SLC28A1: variants seen among roughly 807,000 people sequenced by gnomAD.
SLC28A1 encodes sodium/nucleoside cotransporter 1.
In SLC28A1, 64 loss-of-function variants were observed where a neutral mutation model predicts 74.8. The ratio of observed to expected loss-of-function variants is 0.86; its 90% CI spans 0.70 to 1.05. The LOEUF (loss-of-function observed/expected upper bound fraction) is 1.05, where lower values mean the gene tolerates loss of function less well. Among genes scored for constraint, SLC28A1 ranks in the 50% least tolerant of loss-of-function variants. The pLI, the probability that SLC28A1 is intolerant of heterozygous loss-of-function variation, is 0.00. For missense variants in SLC28A1, 828 were observed against 822.8 expected, an observed-to-expected ratio of 1.01 and a Z score of -0.08; for synonymous variants, 359 against 335.0, an observed-to-expected ratio of 1.07 and a Z score of -0.78.
intron 10 of SLC28A1, among the ~76,000 whole-genome samples, chr15:84,919,548 C>T (rs1049209622): frequency 2.0e-5 from 3 of 152,170 alleles, no homozygotes; most frequent in Non-Finnish European, 4.4e-5. Context: ...GCACTGACAT[C>T]TGGTAAGGGC....
At chr15:84,912,405 G>C (rs912388053) in intron 9 of SLC28A1, among the ~76,000 whole-genome samples, 6 of 152,172 alleles carry the variant, frequency 3.9e-5, no homozygotes, top group African/African-American at 1.4e-4. Flanking sequence ...CCATGGTCCA[G>C]CTGCTCTCTT....
At position 84,910,457 on chromosome 15, in the gene SLC28A1, G is replaced by A. The variant is rs149183567; in HGVS notation, c.795+1662G>A. 3.7e-3 allele frequency among the ~76,000 whole-genome samples: 570 copies of A among 152,250 alleles called. 2 individuals are homozygous for A. Among genetic ancestry groups the A allele is most frequent in the Middle Eastern group, 6.8e-3 (2 of 292 alleles). ...AAAACACACACACTCAGCTGGGCGC[G>A]GTGGCTCATGCCTGTAATCCTAGCA... is the stretch of plus-strand genomic sequence containing the variant. On this transcript the variant is annotated intron_variant, in intron 9 of 18. Coordinates refer to ENST00000394573, the MANE Select transcript of SLC28A1 (RefSeq NM_004213.5).
the SLC28A1 span, among the ~76,000 whole-genome samples, chr15:84,974,262 G>C: frequency 3.3e-5 from 5 of 152,144 alleles, no homozygotes; most frequent in African/African-American, 1.2e-4. Flanking sequence ...ATCGTATTTC[G>C]TTTTCTGCTT....
At chr15:84,926,801 G>GC (rs1970564590) in intron 12 of SLC28A1, among the ~76,000 whole-genome samples, 1 of 92,340 alleles carries the variant, frequency 1.1e-5, no homozygotes, top group Non-Finnish European at 2.4e-5. Context: ...GGGGTGGGGG[G>GC]AGGGGGGGGG....
intron 4 of SLC28A1, 68 bp from the exon 5 acceptor site, chr15:84,890,375 G>A: frequency 1.8e-6 from 2 of 1,123,102 alleles, no homozygotes; most frequent in South Asian, 2.6e-5. Flanking sequence ...CCTGAGTGGA[G>A]GTGCTGAGGA....
At chr15:84,909,014 C>G (rs1399080548) in intron 9 of SLC28A1, among the ~76,000 whole-genome samples, 1 of 137,044 alleles carries the variant, frequency 7.3e-6, no homozygotes, top group Non-Finnish European at 1.5e-5. Flanking sequence ...GTAAAATTTG[C>G]AAAAGTAAGA....
intron 9 of SLC28A1, among the ~76,000 whole-genome samples, 171 bp downstream of exon 9, chr15:84,908,966 A>G (rs1336867343): frequency 1.3e-5 from 2 of 152,212 alleles, no homozygotes; most frequent in Non-Finnish European, 2.9e-5. Context: ...GGAGGAGCCC[A>G]GCAATGTTCA....
At chr15:84,960,603 GT>G in the SLC28A1 span, among the ~76,000 whole-genome samples, 1 of 152,160 alleles carries the variant, frequency 6.6e-6, no homozygotes, top group Non-Finnish European at 1.5e-5. Flanking sequence ...TAAAACTCCA[GT>G]TTCCTGTCAG....
intron 11 of SLC28A1, among the ~76,000 whole-genome samples, chr15:84,923,208 G>C (rs1217284304): frequency 6.6e-6 from 1 of 152,184 alleles, no homozygotes; most frequent in Non-Finnish European, 1.5e-5. Context: ...AAAGTGCTGG[G>C]ATTGCAGGCG....
intron 6 of SLC28A1, among the ~76,000 whole-genome samples, chr15:84,900,968 A>T (rs1304640154): frequency 1.3e-5 from 2 of 152,302 alleles, no homozygotes; most frequent in Non-Finnish European, 2.9e-5. Flanking sequence ...TCACGCCTGT[A>T]ATCCCAGCAC....
At chr15:84,919,435 A>C (rs1218249027) in intron 10 of SLC28A1, among the ~76,000 whole-genome samples, 1 of 152,218 alleles carries the variant, frequency 6.6e-6, no homozygotes, top group East Asian at 1.9e-4. Context: ...ACAGAATATC[A>C]CAGACTGGGT....
chr15:84,886,135 A>G lies in SLC28A1; in HGVS notation c.-132-537A>G, dbSNP rs1348215264. 15 of 985,396 alleles carry G rather than the reference A, an allele frequency of 1.5e-5. No homozygotes were observed. The East Asian group carries it at 1.7e-3, about 112-fold the overall frequency. 61.0% of individuals were successfully genotyped at this position (985,396 alleles called of 1,614,324 possible). A position where few individuals can be genotyped will look rare whatever the true frequency, so the allele number is the denominator to read the frequency against. On this transcript the variant is annotated intron_variant, in intron 1 of 18. Transcript: ENST00000394573. ...CGCTTTGCACACCGTTGGCTTAGGTATTCATTTAACAAAGATGAAATGAAG... is the reference window on the plus strand; with the variant it reads ...CGCTTTGCACACCGTTGGCTTAGGTGTTCATTTAACAAAGATGAAATGAAG...
At chr15:84,896,503 G>A (rs1275037473) in intron 6 of SLC28A1, among the ~76,000 whole-genome samples, 2 of 152,192 alleles carry the variant, frequency 1.3e-5, no homozygotes, top group Non-Finnish European at 2.9e-5. Context: ...ATGCGAAACA[G>A]TGCAGTTGCT....
At chr15:84,887,942 C>T (rs556629340) in intron 3 of SLC28A1, 86 bp downstream of exon 3, 1 of 942,592 alleles carries the variant, frequency 1.1e-6, no homozygotes, top group African/African-American at 1.6e-5. Flanking sequence ...CTTTTGCTCA[C>T]CACCTTCCCT....
At chr15:84,895,307 A>G (rs899951322) in intron 6 of SLC28A1, 184 bp downstream of exon 6, 62 of 1,602,770 alleles carry the variant, frequency 3.9e-5, no homozygotes, top group Middle Eastern at 3.4e-4. Context: ...GTGTTTCACC[A>G]GTTCTTAGTC....
intron 6 of SLC28A1, among the ~76,000 whole-genome samples, chr15:84,899,997 AAGGC>A (rs58660486): frequency 0.24 from 34,964 of 148,616 alleles, 4,444 homozygotes; most frequent in Middle Eastern, 0.34. Flanking sequence ...GGAAAAGAAA[AAGGC>A]AGGCAGGCAG....
chr15:84,889,972 A>G (rs755316472), intron 4 of SLC28A1, among the ~76,000 whole-genome samples: 10 of 150,192 alleles, frequency 6.7e-5, no homozygotes, highest in Non-Finnish European at 1.3e-4. Context: ...AGCAGCTGGG[A>G]TTACAGGCGC....
chr15:84,955,490 C>A, the SLC28A1 span, among the ~76,000 whole-genome samples: 1 of 152,270 alleles, frequency 6.6e-6, no homozygotes, highest in East Asian at 1.9e-4. Context: ...TTGGAACACT[C>A]GCGCTGCAGT....
At chr15:84,967,439 A>G in the SLC28A1 span, among the ~76,000 whole-genome samples, 1 of 152,226 alleles carries the variant, frequency 6.6e-6, no homozygotes, top group Non-Finnish European at 1.5e-5. Context: ...TCTTAAAGGA[A>G]TAGTGATGGC....
Sources: gnomAD v4.1 joint callset for allele counts (sites outside exome capture counted in the v4.1 genomes callset) on GRCh38, gnomAD v4.1.1 for gene constraint, MANE v1.5 for transcripts, NCBI Gene and HGNC (gene_info 2026-07-23, HGNC 2026-07-21) for gene names.